Variants in MIOS observed in about 807,000 individuals in gnomAD.
MIOS encodes the protein meiosis regulator for oocyte development.
Under a neutral mutation model 96.9 loss-of-function variants are expected in MIOS, and 52 were observed. The ratio of observed to expected loss-of-function variants is 0.54; its 90% CI spans 0.43 to 0.68. The LOEUF (loss-of-function observed/expected upper bound fraction) is 0.68. Among genes scored for constraint, MIOS ranks in the 30% least tolerant of loss-of-function variants. MIOS has a pLI of 0.00. For missense variants in MIOS, 1,005 were observed against 1,052.8 expected (o/e 0.95, Z 0.63); for synonymous variants, 397 against 359.5 (o/e 1.10, Z -1.18).
Position 7,573,630 on chromosome 7 carries a change from T to C in MIOS, c.1155T>C (p.Ser385=), listed in dbSNP as rs1583623897. The change falls in exon 4 of 13, where the codon TCT becomes TCC. Residue 385 remains serine, a synonymous_variant. Coordinates refer to ENST00000340080, the MANE Select transcript of MIOS (RefSeq NM_019005.4). The surrounding 1 kb of genome is among the most constrained non-coding windows in gnomAD (Gnocchi z 5.0). ...YECTEEENDN[S]LEKDIATKMR... ...GTACGGAAGAAGAAAATGATAATTC[T>C]TTAGAAAAAGATATAGCAACGAAGA... The C allele has an allele frequency of 6.2e-7, 1 of 1,613,942 alleles. No individual in the cohort carries two copies. The highest frequency in any genetic ancestry group is 1.1e-5 in the South Asian group (1 of 91,082).
At chr7:7,584,793 A>G (rs1311656798) in intron 6 of MIOS, among the ~76,000 whole-genome samples, 1 of 152,170 alleles carries the variant, frequency 6.6e-6, no homozygotes, top group African/African-American at 2.4e-5. Flanking sequence ...TTTTCTTTTG[A>G]AGCTGAACTT....
At chr7:7,585,567 G>A (rs1246805525) in intron 6 of MIOS, 69 bp from the exon 7 acceptor site, 1 of 1,355,084 alleles carries the variant, frequency 7.4e-7, no homozygotes, top group Non-Finnish European at 9.8e-7. Context: ...TCTATTTATG[G>A]TTTAAGAAAT....
chr7:7,575,832 T>A (rs1783512835), intron 5 of MIOS, among the ~76,000 whole-genome samples: 1 of 152,116 alleles, frequency 6.6e-6, no homozygotes. Context: ...AACACTACTG[T>A]TGGAAAGATT....
At chr7:7,568,872 A>C (rs1783247734) in intron 3 of MIOS, among the ~76,000 whole-genome samples, 1 of 152,226 alleles carries the variant, frequency 6.6e-6, no homozygotes, top group South Asian at 2.1e-4. Context: ...TGTGGATGGC[A>C]ATAGAAGTAT....
rs1783377392 is a variant in MIOS, at chr7:7,572,157, A to G, written c.-40-279A>G. 6.6e-6 allele frequency among the ~76,000 whole-genome samples: 1 copy of G among 152,238 alleles called. No homozygotes were observed. Among genetic ancestry groups the G allele is most frequent in the Non-Finnish European group, 1.5e-5 (1 of 68,032 alleles). ...ATAACTCTGAAGTTAAGCTGAAGGT[A>G]CTAGTAACAGTGCAATTAAGATAAT... On this transcript the variant is annotated intron_variant, in intron 3 of 12. Coordinates refer to ENST00000340080, the MANE Select transcript of MIOS (RefSeq NM_019005.4). This position sits in a 1 kb window ranked among gnomAD's most constrained non-coding sequence, Gnocchi z 4.8.
intron 9 of MIOS, among the ~76,000 whole-genome samples, chr7:7,590,533 C>G (rs1283985235): frequency 6.6e-6 from 1 of 152,118 alleles, no homozygotes; most frequent in African/African-American, 2.4e-5. Flanking sequence ...TAATTGCTGC[C>G]TTTAATTGGA....
Position 7,595,130 on chromosome 7 carries a change from C to A in MIOS, c.2194C>A (p.Gln732Lys). The change falls in exon 10 of 13, where the codon CAA becomes AAA. Residue 732 changes from glutamine (Q) to lysine (K), a missense_variant and splice_region_variant. By Grantham distance (53) the Gln-to-Lys change is moderately conservative. Coordinates refer to ENST00000340080, the MANE Select transcript of MIOS (RefSeq NM_019005.4). ...GGATCCCAGTTCCAAGCCTTTAGCA[C>A]AAGTAAGTACATTGTTTTGGAGAAA... ...KLDPSSKPLA[Q>K]VFVSCNFCGK... 1 of 1,606,014 alleles carries A rather than the reference C, an allele frequency of 6.2e-7. No homozygotes were observed. The highest frequency in any genetic ancestry group is 8.5e-7 in the Non-Finnish European group (1 of 1,177,864).
chr7:7,606,109 A>G, intron 12 of MIOS, 38 bp downstream of exon 12: 2 of 1,609,546 alleles, frequency 1.2e-6, no homozygotes, highest in Middle Eastern at 1.7e-4. Flanking sequence ...GCTTGGAGTT[A>G]TGGGGGATAA....
chr7:7,580,713 A>G (rs76413374), intron 5 of MIOS, among the ~76,000 whole-genome samples: 1 of 116,694 alleles, frequency 8.6e-6, no homozygotes, highest in African/African-American at 4.2e-5. Context: ...TTTTTTTTTA[A>G]AGAGACAGAA....
intron 11 of MIOS, among the ~76,000 whole-genome samples, chr7:7,604,124 T>C (rs1449287847): frequency 1.3e-5 from 2 of 151,792 alleles, no homozygotes; most frequent in Non-Finnish European, 2.9e-5. Flanking sequence ...AAATGACGAG[T>C]TAATGGGTGG....
chr7:7,601,853 A>G (rs1232648500), intron 11 of MIOS, among the ~76,000 whole-genome samples: 1 of 152,222 alleles, frequency 6.6e-6, no homozygotes, highest in African/African-American at 2.4e-5. Flanking sequence ...ATCCAGCAAC[A>G]CATCAAAAAG....
At chr7:7,585,935 C>A in intron 7 of MIOS, 130 bp downstream of exon 7, 2 of 795,294 alleles carry the variant, frequency 2.5e-6, no homozygotes, top group Non-Finnish European at 3.6e-6. Flanking sequence ...TAAAATAAGG[C>A]ATCTTGGGCT....
In MIOS at chr7:7,573,904, A is replaced by G; in HGVS notation, c.1294+135A>G. 5 of 1,046,204 alleles carry G rather than the reference A, an allele frequency of 4.8e-6. No individual in the cohort carries two copies. Among genetic ancestry groups the G allele is most frequent in the Non-Finnish European group, 6.9e-6 (5 of 728,322 alleles). The allele number at this position is 1,046,204 out of a possible 1,614,324, so 64.8% of individuals were successfully genotyped here. A position where few individuals can be genotyped will look rare whatever the true frequency, so the allele number is the denominator to read the frequency against. On this transcript the variant is annotated intron_variant, in intron 4 of 12. Coordinates refer to ENST00000340080, the MANE Select transcript of MIOS (RefSeq NM_019005.4). This position sits in a 1 kb window ranked among gnomAD's most constrained non-coding sequence, Gnocchi z 5.0. ...TTACATAATACTAACATTATAAAGT[A>G]AAATTGTTCTAAACTTTCGAACTTG...
intron 11 of MIOS, among the ~76,000 whole-genome samples, chr7:7,599,857 A>G (rs954663906): frequency 3.3e-5 from 5 of 152,214 alleles, no homozygotes; most frequent in African/African-American, 9.6e-5. Flanking sequence ...ATAGAATACT[A>G]TGCAGCCATG....
At chr7:7,582,917 C>G in intron 5 of MIOS, 1 of 577,016 alleles carries the variant, frequency 1.7e-6, no homozygotes. Context: ...TTCAGTAGTT[C>G]TTTGCTAACT....
At chr7:7,585,073 G>T (rs1239259056) in intron 6 of MIOS, among the ~76,000 whole-genome samples, 2 of 152,024 alleles carry the variant, frequency 1.3e-5, no homozygotes, top group Non-Finnish European at 2.9e-5. Flanking sequence ...ATATATTTAG[G>T]AATAGGAAAA....
In MIOS at chr7:7,588,402, A is replaced by C. The variant is rs1170391341; in HGVS notation, c.1819-96A>C. On this transcript the variant is annotated intron_variant, in intron 7 of 12. Coordinates refer to ENST00000340080, the MANE Select transcript of MIOS (RefSeq NM_019005.4). ...AACTTATTAATAAATTTGGAAATAA[A>C]CATATTCATTTTATTTATATAAAAC... is the stretch of plus-strand genomic sequence containing the variant. The C allele has an allele frequency of 2.7e-5, 16 of 594,388 alleles. No individual in the cohort carries two copies. In the East Asian group the frequency reaches 5.4e-4, roughly 20 times the overall value. 36.8% of individuals were successfully genotyped at this position (594,388 alleles called of 1,614,324 possible). A position where few individuals can be genotyped will look rare whatever the true frequency, so the allele number is the denominator to read the frequency against.
At chr7:7,567,479 C>T (rs886331142) in intron 1 of MIOS, 128 bp from the exon 2 acceptor site, 9 of 152,048 alleles carry the variant, frequency 5.9e-5, no homozygotes, top group African/African-American at 2.2e-4. Context: ...AACGGCCTGT[C>T]TCCCGGTGAG....
chr7:7,573,347 A>G lies in MIOS; in HGVS notation c.872A>G (p.Asn291Ser), dbSNP rs749936766. ...GLLATLTRDS[N>S]IIRLYDMQHT... ...CTTGCCACTTTAACAAGGGATAGTA[A>G]TATTATTAGATTGTATGATATGCAG... Residue 291 changes from asparagine to serine, a missense_variant, in exon 4 of 13, where the codon AAT (asparagine) becomes AGT (serine). By Grantham distance (46) the Asn-to-Ser change is conservative. Transcript: ENST00000340080. This position sits in a 1 kb window ranked among gnomAD's most constrained non-coding sequence, Gnocchi z 5.0. 8.7e-6 allele frequency: 14 copies of G among 1,614,008 alleles called. No individual in the cohort carries two copies. Among genetic ancestry groups the G allele is most frequent in the Non-Finnish European group, 1.2e-5 (14 of 1,179,978 alleles).
Sources: gnomAD v4.1 joint callset for allele counts (sites outside exome capture counted in the v4.1 genomes callset) on GRCh38, gnomAD v4.1.1 for gene constraint, Gnocchi (gnomAD v3.1) non-coding constraint, MANE v1.5 for transcripts, NCBI Gene and HGNC (gene_info 2026-07-23, HGNC 2026-07-21) for gene names.